The following COMMD6 variants were observed in gnomAD, a reference collection of about 807,000 sequenced individuals.
COMMD6 encodes the protein COMM domain containing 6, also known as COMM domain-containing protein 6.
COMMD6 carries 11 observed loss-of-function variants against 13.4 expected under a neutral mutation model. The ratio of observed to expected loss-of-function variants is 0.82; its 90% CI spans 0.52 to 1.36. COMMD6 has a LOEUF of 1.36. COMMD6 is among the 40% of genes most tolerant of loss of function. The pLI is 0.00. For missense variants in COMMD6, 124 were observed against 102.4 expected (o/e 1.21, Z -0.91); for synonymous variants, 43 against 36.5 (o/e 1.18, Z -0.64).
In COMMD6 at chr13:75,548,037, T is replaced by C. The variant is rs139527340; in HGVS notation, n.106+1286A>G. ...TGTGTCTCAGCAGATCCAATGCTGC[T>C]AGTGTCCCTGGAAGATAAAGATGCT... On this transcript the variant is annotated intron_variant and non_coding_transcript_variant, in intron 1 of 2. Coordinates refer to the COMMD6 transcript ENST00000460675. 3.8e-4 allele frequency among the ~76,000 whole-genome samples: 58 copies of C among 152,350 alleles called. No homozygotes were observed. In the East Asian group the frequency reaches 0.01, roughly 26 times the overall value.
chr13:75,531,343 T>C (rs1460744416), intron 2 of COMMD6, among the ~76,000 whole-genome samples: 3 of 152,196 alleles, frequency 2.0e-5, no homozygotes, highest in Admixed American at 6.5e-5. Flanking sequence ...ATAAAAGTTA[T>C]ATAACCCATT....
At position 75,537,766 on chromosome 13, in the gene COMMD6, C is replaced by A; in HGVS notation, c.40G>T (p.Asp14Tyr). ...TCTCCTTCCAGGTTGGAACTCACATCGGACTTAGCATCCAGCGGCGGCTCG... is the reference window on the plus strand; with the variant it reads ...TCTCCTTCCAGGTTGGAACTCACATAGGACTTAGCATCCAGCGGCGGCTCG... ...SSEPPLDAKS[D>Y]VTNQLVDFQW... Residue 14 changes from aspartate (D) to tyrosine (Y), a missense_variant and splice_region_variant, in exon 1 of 4, where the codon GAT becomes TAT. Asp to Tyr is a radical substitution (Grantham distance 160). Transcript: ENST00000682242. 1.9e-6 allele frequency: 3 copies of A among 1,613,526 alleles called. No individual in the cohort carries two copies. In the South Asian group the frequency reaches 3.3e-5, roughly 18 times the overall value.
chr13:75,533,696 TATG>T (rs1191687570), intron 2 of COMMD6, among the ~76,000 whole-genome samples: 1 of 152,242 alleles, frequency 6.6e-6, no homozygotes. Context: ...AAACTGATCA[TATG>T]AAGGATGCAT....
Position 75,536,765 on chromosome 13 carries a change from G to A in COMMD6, c.54+899C>T, listed in dbSNP as rs187378524. 3.5e-3 allele frequency among the ~76,000 whole-genome samples: 532 copies of A among 152,272 alleles called. 2 individuals are homozygous for A. Among genetic ancestry groups the A allele is most frequent in the Non-Finnish European group, 5.8e-3 (393 of 68,016 alleles). On this transcript the variant is annotated intron_variant, in intron 2 of 3. Coordinates refer to ENST00000682242, the MANE Select transcript of COMMD6 (RefSeq NM_203495.4). ...TCCAGAACTATAAGATAATAAATTT[G>A]TGTTTAAGCCAAAAAGAGTTCAACT...
chr13:75,541,620 G>T (rs543491373), upstream of COMMD6, among the ~76,000 whole-genome samples: 2 of 151,978 alleles, frequency 1.3e-5, no homozygotes, highest in African/African-American at 4.8e-5. Context: ...TGTTCATAAG[G>T]CGTAGAGTTG....
upstream of COMMD6, chr13:75,537,872 C>A: frequency 1.3e-6 from 2 of 1,497,190 alleles, no homozygotes; most frequent in Non-Finnish European, 1.8e-6. Context: ...TCCGCTTCCA[C>A]GTCCTGCCCC....
At position 75,530,160 on chromosome 13, in the gene COMMD6, C is replaced by T. The variant is rs1019196612; in HGVS notation, c.161G>A (p.Gly54Asp). 79 of 1,613,804 alleles carry T rather than the reference C, an allele frequency of 4.9e-5. No individual in the cohort carries two copies. Among genetic ancestry groups the T allele is most frequent in the Non-Finnish European group, 6.4e-5 (75 of 1,179,790 alleles). ...AVMLKVADHS[G>D]QVKTKCFEMT... ...TTCAAAGCACTTGGTCTTTACTTGG[C>T]CTGAATGATCTGCCACTTTTAGCAT... The change falls in exon 3 of 4, where the codon GGC becomes GAC. Residue 54 changes from glycine (G) to aspartate (D), a missense_variant. Coordinates refer to ENST00000682242, the MANE Select transcript of COMMD6 (RefSeq NM_203495.4).
intron 3 of COMMD6, chr13:75,527,840 C>T (rs1158573690): frequency 1.3e-6 from 2 of 1,509,308 alleles, no homozygotes; most frequent in Non-Finnish European, 1.8e-6. Context: ...TGGAGGTTGC[C>T]AGGAGCTGAG....
upstream of COMMD6, among the ~76,000 whole-genome samples, chr13:75,543,703 G>T (rs2030859569): frequency 6.6e-6 from 1 of 152,154 alleles, no homozygotes; most frequent in African/African-American, 2.4e-5. Context: ...ATCAATATTT[G>T]TCCCACAAGG....
At chr13:75,531,868 C>A (rs1454432155) in intron 2 of COMMD6, among the ~76,000 whole-genome samples, 1 of 152,218 alleles carries the variant, frequency 6.6e-6, no homozygotes, top group Non-Finnish European at 1.5e-5. Flanking sequence ...CTTAGAAAAA[C>A]TTTTTGAATA....
chr13:75,538,186 C>T (rs539957202), upstream of COMMD6, among the ~76,000 whole-genome samples: 1 of 152,198 alleles, frequency 6.6e-6, no homozygotes, highest in Non-Finnish European at 1.5e-5. Context: ...CGCTGGGCGA[C>T]CGCACCCCCG....
upstream of COMMD6, among the ~76,000 whole-genome samples, chr13:75,541,913 G>T (rs2030829471): frequency 6.6e-6 from 1 of 152,128 alleles, no homozygotes; most frequent in African/African-American, 2.4e-5. Flanking sequence ...CTCTCTAAAA[G>T]AAAATATTTA....
At chr13:75,537,871 A>G (rs908294318), upstream of COMMD6, 10 of 1,509,322 alleles carry the variant, frequency 6.6e-6, no homozygotes, top group Admixed American at 8.4e-5. Context: ...TTCCGCTTCC[A>G]CGTCCTGCCC....
intron 2 of COMMD6, among the ~76,000 whole-genome samples, chr13:75,534,672 G>A (rs1190972691): frequency 1.3e-5 from 2 of 152,082 alleles, no homozygotes; most frequent in Non-Finnish European, 2.9e-5. Flanking sequence ...AAAGCTAGTA[G>A]TAAAAAAGGA....
At chr13:75,548,196 G>C (rs144178661) in intron 1 of COMMD6, among the ~76,000 whole-genome samples, 1 of 152,370 alleles carries the variant, frequency 6.6e-6, no homozygotes, top group Non-Finnish European at 1.5e-5. Context: ...CAGAGACTAA[G>C]AGTCTGGCAA....
At chr13:75,537,400 T>A (rs2030706237) in intron 2 of COMMD6, 1 of 1,551,076 alleles carries the variant, frequency 6.4e-7, no homozygotes, top group Non-Finnish European at 8.7e-7. Flanking sequence ...TGGCTTCGAA[T>A]AACTGTCGCC....
Position 75,537,690 on chromosome 13 carries a change from G to GA in COMMD6, c.43-16dup. 6.2e-7 allele frequency: 1 copy of GA among 1,614,056 alleles called. No individual in the cohort carries two copies. The highest frequency in any genetic ancestry group is 8.5e-7 in the Non-Finnish European group (1 of 1,179,912). ...TGGTTGGTGACCTGAAACGGAAGCA[G>GA]AAACACAATTTAGAGAAACATCTTT... On this transcript the variant is annotated splice_polypyrimidine_tract_variant and intron_variant, in intron 1 of 3. Transcript: ENST00000682242.
chr13:75,533,435 G>C (rs1413127398), intron 2 of COMMD6, among the ~76,000 whole-genome samples: 1 of 151,938 alleles, frequency 6.6e-6, no homozygotes, highest in East Asian at 1.9e-4. Flanking sequence ...AGGTGTGGTA[G>C]GGCATGCCTT....
upstream of COMMD6, chr13:75,537,873 G>A (rs2138425591): frequency 2.0e-6 from 3 of 1,495,704 alleles, no homozygotes; most frequent in South Asian, 2.6e-5. Flanking sequence ...CCGCTTCCAC[G>A]TCCTGCCCCT....
Sources: gnomAD v4.1 joint callset for allele counts (sites outside exome capture counted in the v4.1 genomes callset) on GRCh38, gnomAD v4.1.1 for gene constraint, MANE v1.5 for transcripts, NCBI Gene and HGNC (gene_info 2026-07-23, HGNC 2026-07-21) for gene names.